FAAH2: variants seen among roughly 807,000 people sequenced by gnomAD.
The protein encoded by FAAH2 is fatty acid amide hydrolase 2, also known as fatty-acid amide hydrolase 2.
FAAH2 carries 60 observed loss-of-function variants against 36.9 expected under a neutral mutation model. That is an observed-to-expected ratio of 1.63 (90% CI 1.32 to 2.02). The LOEUF is 2.02. FAAH2 is among the 30% of genes most tolerant of loss of function. FAAH2 has a pLI of 0.00. For synonymous variants in FAAH2, 214 were observed against 143.8 expected, an observed-to-expected ratio of 1.49 and a Z score of -3.49; for missense variants, 689 against 397.5, an observed-to-expected ratio of 1.73 and a Z score of -6.23.
chrX:57,430,281 T>TATC (rs1367807270), intron 7 of FAAH2, among the ~76,000 whole-genome samples: 1 of 112,094 alleles, frequency 8.9e-6, no homozygotes, highest in Non-Finnish European at 1.9e-5. Context: ...CTGGCATTAG[T>TATC]ATCAGTTCAG....
At chrX:57,371,414 A>G (rs1369511687) in intron 5 of FAAH2, among the ~76,000 whole-genome samples, 2 of 111,661 alleles carry the variant, frequency 1.8e-5, no homozygotes, top group Non-Finnish European at 3.8e-5. Context: ...TGCTTCTGCA[A>G]ATGAATTCAT....
chrX:57,378,909 G>C, intron 6 of FAAH2, 123 bp downstream of exon 6: 1 of 833,622 alleles, frequency 1.2e-6, no homozygotes, highest in African/African-American at 2.1e-5. Flanking sequence ...GTTTTTATGA[G>C]AGAGCCTTTA....
At chrX:57,136,235 A>G in the FAAH2 span, 1 of 1,208,139 alleles carries the variant, frequency 8.3e-7, no homozygotes, top group Non-Finnish European at 1.1e-6. Flanking sequence ...CAAGGTTGGC[A>G]TCACTAATGT....
At chrX:57,199,289 T>A in the FAAH2 span, among the ~76,000 whole-genome samples, 56 of 111,873 alleles carry the variant, frequency 5.0e-4, no homozygotes, top group Middle Eastern at 4.6e-3. Context: ...GTGTTTTTTT[T>A]ATCAGTTGTT....
At chrX:57,212,579 T>G in the FAAH2 span, among the ~76,000 whole-genome samples, 1 of 112,572 alleles carries the variant, frequency 8.9e-6, no homozygotes, top group Non-Finnish European at 1.9e-5. Context: ...AAAAAATATA[T>G]TTGAAATCTT....
At chrX:57,173,070 C>T in the FAAH2 span, among the ~76,000 whole-genome samples, 1 of 111,826 alleles carries the variant, frequency 8.9e-6, no homozygotes, top group Non-Finnish European at 1.9e-5. Flanking sequence ...TTCCGTATCA[C>T]TTAAAGGGAC....
the FAAH2 span, among the ~76,000 whole-genome samples, chrX:57,206,604 A>G: frequency 0.012 from 1,326 of 112,720 alleles, 17 homozygotes; most frequent in African/African-American, 0.041. Context: ...TTGTGGCAAC[A>G]CTTTCCAGTG....
At chrX:57,267,947 C>T in the FAAH2 span, among the ~76,000 whole-genome samples, 3 of 112,557 alleles carry the variant, frequency 2.7e-5, no homozygotes, top group Non-Finnish European at 5.6e-5. Flanking sequence ...ACCTTCTAGC[C>T]TCCAAATGAC....
the FAAH2 span, among the ~76,000 whole-genome samples, chrX:57,195,264 T>A: frequency 2.7e-5 from 3 of 111,664 alleles, no homozygotes; most frequent in African/African-American, 9.8e-5. Context: ...CACATCCACA[T>A]CAACATCTAT....
At chrX:57,301,030 C>G (rs1362156706) in intron 2 of FAAH2, among the ~76,000 whole-genome samples, 4 of 110,646 alleles carry the variant, frequency 3.6e-5, no homozygotes, top group African/African-American at 1.3e-4. Flanking sequence ...TAAACTAGTT[C>G]AACCCTTGTG....
intron 10 of FAAH2, among the ~76,000 whole-genome samples, chrX:57,476,526 G>A (rs1192723701): frequency 2.7e-5 from 3 of 111,365 alleles, no homozygotes; most frequent in African/African-American, 9.8e-5. Flanking sequence ...TTGCATCCCA[G>A]GGATGAAGCC....
intron 10 of FAAH2, among the ~76,000 whole-genome samples, chrX:57,462,343 G>A (rs2147220561): frequency 9.0e-6 from 1 of 110,536 alleles, no homozygotes; most frequent in African/African-American, 3.3e-5. Flanking sequence ...TAACCCGGCA[G>A]AGACACAACA....
chrX:57,432,117 G>T (rs1314625609), intron 8 of FAAH2, 80 bp downstream of exon 8: 1 of 882,239 alleles, frequency 1.1e-6, no homozygotes, highest in South Asian at 3.2e-5. Flanking sequence ...ATATGTTAGA[G>T]GTGTAGAGAA....
chrX:57,392,555 C>T, intron 7 of FAAH2: 1 of 796,422 alleles, frequency 1.3e-6, no homozygotes, highest in East Asian at 3.3e-5. Flanking sequence ...TGACTCTTGG[C>T]TGCCTTATAC....
chrX:57,383,263 C>G (rs1364746126), intron 7 of FAAH2, among the ~76,000 whole-genome samples: 1 of 111,974 alleles, frequency 8.9e-6, no homozygotes, highest in Admixed American at 9.4e-5. Flanking sequence ...TGAAAACTGG[C>G]ACAAGACAGC....
rs973428266 is a variant in FAAH2, at chrX:57,417,384, A to T, written c.997-14534A>T. Reference sequence around the variant, plus strand: ...TGGATTTATCTTCCTTTGGTCTTTGATGCTGGTGACCTTTGGATGGGGTTT... The same window carrying T: ...TGGATTTATCTTCCTTTGGTCTTTGTTGCTGGTGACCTTTGGATGGGGTTT... On this transcript the variant is annotated intron_variant, in intron 7 of 10. Coordinates refer to ENST00000374900, the MANE Select transcript of FAAH2 (RefSeq NM_174912.4). Among the ~76,000 whole-genome samples the T allele has an allele frequency of 2.7e-5, 3 of 111,115 alleles. No individual in the cohort carries two copies. In the Admixed American group the frequency reaches 2.9e-4, roughly 11 times the overall value.
At chrX:57,222,920 C>A in the FAAH2 span, among the ~76,000 whole-genome samples, 1 of 111,191 alleles carries the variant, frequency 9.0e-6, no homozygotes. Context: ...AGTGTCACCC[C>A]ACACACACAC....
the FAAH2 span, among the ~76,000 whole-genome samples, chrX:57,133,590 C>T: frequency 9.0e-6 from 1 of 111,474 alleles, no homozygotes; most frequent in Non-Finnish European, 1.9e-5. Context: ...GGAATGAGGG[C>T]CCTAATCCTC....
chrX:57,238,028 A>T, the FAAH2 span, among the ~76,000 whole-genome samples: 1 of 111,901 alleles, frequency 8.9e-6, no homozygotes, highest in African/African-American at 3.2e-5. Context: ...GAGAAAAAGG[A>T]ACACTTATAC....
Sources: gnomAD v4.1 joint callset for allele counts (sites outside exome capture counted in the v4.1 genomes callset) on GRCh38, gnomAD v4.1.1 for gene constraint, MANE v1.5 for transcripts, NCBI Gene and HGNC (gene_info 2026-07-23, HGNC 2026-07-21) for gene names.